PLEKHM2: variants seen among roughly 807,000 people sequenced by gnomAD.
The protein encoded by PLEKHM2 is pleckstrin homology domain-containing family M member 2.
PLEKHM2 carries 77 observed loss-of-function variants against 116.3 expected under a neutral mutation model. That is an observed-to-expected ratio of 0.66 (90% confidence interval 0.55 to 0.80). PLEKHM2 has a LOEUF of 0.80. Ranked by LOEUF, PLEKHM2 falls within the 30% of genes least tolerant of loss-of-function variation. PLEKHM2 has a pLI of 0.00. For missense variants in PLEKHM2, 1,183 were observed against 1,354.9 expected (o/e 0.87, Z 1.99); for synonymous variants, 562 against 571.0 (o/e 0.98, Z 0.22).
rs1253471913 is a variant in PLEKHM2, at chr1:15,734,278, C to T, written c.*344C>T. The stretch of plus-strand genomic sequence containing the variant: ...ACCGAGAACACCATCCATCTAAGGA[C>T]GAACAAAAGAACCAGGAGGGCGGGA... On this transcript the variant is annotated 3_prime_UTR_variant, in exon 20 of 20. Coordinates refer to ENST00000375799, the MANE Select transcript of PLEKHM2 (RefSeq NM_015164.4). 7.8e-6 allele frequency: 2 copies of T among 255,058 alleles called. No homozygotes were observed. The highest frequency in any genetic ancestry group is 1.5e-5 in the Non-Finnish European group (2 of 134,066). 15.8% of individuals were successfully genotyped at this position (255,058 alleles called of 1,614,324 possible).
intron 1 of PLEKHM2, among the ~76,000 whole-genome samples, chr1:15,689,263 A>G (rs1640840295): frequency 6.8e-6 from 1 of 146,238 alleles, no homozygotes; most frequent in Non-Finnish European, 1.5e-5. Context: ...AAAAAAAAAG[A>G]AAGAAAGAAA....
At chr1:15,732,165 G>T in intron 17 of PLEKHM2, 117 bp downstream of exon 17, 1 of 1,074,434 alleles carries the variant, frequency 9.3e-7, no homozygotes, top group Middle Eastern at 2.1e-4. Context: ...GGACCTCCAG[G>T]GGGCAGCCCA....
At chr1:15,691,252 T>A (rs530694974) in intron 1 of PLEKHM2, among the ~76,000 whole-genome samples, 2 of 152,140 alleles carry the variant, frequency 1.3e-5, no homozygotes, top group Non-Finnish European at 2.9e-5. Flanking sequence ...AATTTTTTAG[T>A]GTGGAGACAA....
chr1:15,730,479 C>G, intron 14 of PLEKHM2, 53 bp from the exon 15 acceptor site: 4 of 1,412,872 alleles, frequency 2.8e-6, no homozygotes, highest in Non-Finnish European at 3.8e-6. Flanking sequence ...GCTCAGCCAC[C>G]TGCCTGGCCC....
intron 1 of PLEKHM2, among the ~76,000 whole-genome samples, chr1:15,702,247 C>T (rs1024128751): frequency 6.6e-6 from 1 of 152,170 alleles, no homozygotes; most frequent in African/African-American, 2.4e-5. Flanking sequence ...CCTACAGCAT[C>T]GCCATGTGAG....
At chr1:15,724,793 C>T (rs954451283) in intron 7 of PLEKHM2, among the ~76,000 whole-genome samples, 1 of 152,216 alleles carries the variant, frequency 6.6e-6, no homozygotes, top group African/African-American at 2.4e-5. Context: ...CCATTCTTCT[C>T]CCTTTGTGTT....
rs762892436 is a variant in PLEKHM2 at position 15,721,766 on chromosome 1, A to G, written c.712+378A>G. 6.6e-6 allele frequency among the ~76,000 whole-genome samples: 1 copy of G among 152,140 alleles called. No homozygotes were observed. Among genetic ancestry groups the G allele is most frequent in the Non-Finnish European group, 1.5e-5 (1 of 68,022 alleles). On this transcript the variant is annotated intron_variant, in intron 7 of 19. Transcript: ENST00000375799. This position sits in a 1 kb window ranked among gnomAD's most constrained non-coding sequence, Gnocchi z 5.1. ...CATGCCTTTAAACATGCGGGTTGTAAGCTCCTGCGGGTCAGATGAGCATCG... is the reference window on the plus strand; with the variant it reads ...CATGCCTTTAAACATGCGGGTTGTAGGCTCCTGCGGGTCAGATGAGCATCG...
rs1033198937 is a variant in PLEKHM2 at position 15,734,021 on chromosome 1, G to A, written c.*87G>A. ...CTGTCACGGCTGTTGTCATGCTGTC[G>A]GGAGCCTACAGTCCACCCCTGCCCT... On this transcript the variant is annotated 3_prime_UTR_variant, in exon 20 of 20. Coordinates refer to ENST00000375799, the MANE Select transcript of PLEKHM2 (RefSeq NM_015164.4). 5.5e-6 allele frequency: 8 copies of A among 1,445,256 alleles called. No homozygotes were observed. Among genetic ancestry groups the A allele is most frequent in the African/African-American group, 2.8e-5 (2 of 71,080 alleles). The allele number at this position is 1,445,256 out of a possible 1,614,324, so 89.5% of individuals were successfully genotyped here. A position where few individuals can be genotyped will look rare whatever the true frequency, so the allele number is the denominator to read the frequency against.
At chr1:15,696,160 G>T (rs1373896987) in intron 1 of PLEKHM2, among the ~76,000 whole-genome samples, 1 of 151,938 alleles carries the variant, frequency 6.6e-6, no homozygotes, top group Non-Finnish European at 1.5e-5. Flanking sequence ...GAAGTAAACT[G>T]CCAGAGGTTA....
At position 15,727,209 on chromosome 1, in the gene PLEKHM2, G is replaced by C; in HGVS notation, c.1137G>C (p.Pro379=). 6.2e-7 allele frequency: 1 copy of C among 1,606,872 alleles called. No homozygotes were observed. Residue 379 remains proline (P), a synonymous_variant, in exon 9 of 20, where the codon CCG becomes CCC. Transcript: ENST00000375799. This position sits in a 1 kb window ranked among gnomAD's most constrained non-coding sequence, Gnocchi z 7.5. ...LASPQEEGEG[P]SSTTESSERS... ...CCCCCCAGGAGGAGGGAGAGGGGCC[G>C]AGCAGCACCACGGAGAGCAGCGAGC...
chr1:15,728,558 T>C lies in PLEKHM2; in HGVS notation c.1922-111T>C, dbSNP rs139843318. On this transcript the variant is annotated intron_variant, in intron 11 of 19. Transcript: ENST00000375799. The surrounding 1 kb of genome is among the most constrained non-coding windows in gnomAD (Gnocchi z 5.9). Reference sequence around the variant, plus strand: ...TGAGCACTCCACGCCATTCTCCTACTGCAGGGCAAGGAGAGGCCCTCTAAG... The same window carrying C: ...TGAGCACTCCACGCCATTCTCCTACCGCAGGGCAAGGAGAGGCCCTCTAAG... 2,638 of 1,081,452 alleles carry C rather than the reference T, an allele frequency of 2.4e-3. 59 individuals are homozygous for C. In the African/African-American group the frequency reaches 0.037, roughly 15 times the overall value. 67.0% of individuals were successfully genotyped at this position (1,081,452 alleles called of 1,614,324 possible).
rs753053627 is a variant in PLEKHM2 at position 15,719,930 on chromosome 1, C to A, written c.652+10C>A. ...GCCCCATCTAGTGAGGGTGAGTGGC[C>A]CCAGGGCAGAAAAGCTAAGCCCCTG... On this transcript the variant is annotated intron_variant, in intron 6 of 19. Transcript: ENST00000375799. This position sits in a 1 kb window ranked among gnomAD's most constrained non-coding sequence, Gnocchi z 4.1. The A allele has an allele frequency of 1.9e-5, 30 of 1,606,420 alleles. No individual in the cohort carries two copies. The highest frequency in any genetic ancestry group is 2.5e-5 in the Non-Finnish European group (29 of 1,175,184).
chr1:15,715,389 C>T (rs968333768), intron 1 of PLEKHM2, among the ~76,000 whole-genome samples: 4 of 152,102 alleles, frequency 2.6e-5, no homozygotes, highest in South Asian at 2.1e-4. Context: ...CGCCTGTAAT[C>T]GCAGCACTTT....
chr1:15,687,426 G>C lies in PLEKHM2; in HGVS notation c.60+2808G>C, dbSNP rs112546874. Among the ~76,000 whole-genome samples, 586 of 152,172 alleles carry C rather than the reference G, an allele frequency of 3.9e-3. 10 individuals are homozygous for C. Among genetic ancestry groups the C allele is most frequent in the African/African-American group, 0.013 (554 of 41,522 alleles). ...CCTGACCTCATGATCCGCTCACCTC[G>C]GCCTCCCAAAGTGCTGGGATTACAG... is the stretch of plus-strand genomic sequence containing the variant. On this transcript the variant is annotated intron_variant, in intron 1 of 19. Coordinates refer to ENST00000375799, the MANE Select transcript of PLEKHM2 (RefSeq NM_015164.4).
chr1:15,701,044 C>T (rs1278512334), intron 1 of PLEKHM2, among the ~76,000 whole-genome samples: 2 of 136,770 alleles, frequency 1.5e-5, no homozygotes, highest in Admixed American at 7.9e-5. Context: ...ACCCAGGAGG[C>T]GGAGGTTGCA....
At chr1:15,688,077 C>T (rs1640808763) in intron 1 of PLEKHM2, among the ~76,000 whole-genome samples, 1 of 152,310 alleles carries the variant, frequency 6.6e-6, no homozygotes, top group South Asian at 2.1e-4. Context: ...ATATCCAGCA[C>T]CCTGACCAAG....
chr1:15,725,588 C>T (rs1476199544), intron 8 of PLEKHM2, 43 bp downstream of exon 8: 2 of 1,358,598 alleles, frequency 1.5e-6, no homozygotes, highest in Non-Finnish European at 2.1e-6. Context: ...GTCCTGGGGT[C>T]CAACCTGTCC....
At position 15,733,976 on chromosome 1, in the gene PLEKHM2, C is replaced by T. The variant is rs1202235828; in HGVS notation, c.*42C>T. 4 of 1,585,454 alleles carry T rather than the reference C, an allele frequency of 2.5e-6. No individual in the cohort carries two copies. The Admixed American group carries it at 5.3e-5, about 21-fold the overall frequency. On this transcript the variant is annotated 3_prime_UTR_variant, in exon 20 of 20. Coordinates refer to ENST00000375799, the MANE Select transcript of PLEKHM2 (RefSeq NM_015164.4). ...GTCCCTGGTGGGCAGGAAAGGAAGGCACGCCAGCCGGCAGGCACACTGTCA... is the reference window on the plus strand; with the variant it reads ...GTCCCTGGTGGGCAGGAAAGGAAGGTACGCCAGCCGGCAGGCACACTGTCA...
Position 15,728,019 on chromosome 1 carries a change from G to T in PLEKHM2, c.1761-60G>T, listed in dbSNP as rs1034119769. 2.8e-5 allele frequency: 40 copies of T among 1,411,030 alleles called. No homozygotes were observed. Among genetic ancestry groups the T allele is most frequent in the Non-Finnish European group, 3.8e-5 (38 of 1,012,564 alleles). The allele number at this position is 1,411,030 out of a possible 1,614,324, so 87.4% of individuals were successfully genotyped here. On this transcript the variant is annotated intron_variant, in intron 9 of 19. Coordinates refer to ENST00000375799, the MANE Select transcript of PLEKHM2 (RefSeq NM_015164.4). The surrounding 1 kb of genome is among the most constrained non-coding windows in gnomAD (Gnocchi z 5.9). ...CACTACCCCCTGGCTCTGGGGTGGG[G>T]TGTGGCCTCTCTCACCGCTGCCTGC...
Sources: gnomAD v4.1 joint callset for allele counts (sites outside exome capture counted in the v4.1 genomes callset) on GRCh38, gnomAD v4.1.1 for gene constraint, Gnocchi (gnomAD v3.1) non-coding constraint, MANE v1.5 for transcripts, NCBI Gene and HGNC (gene_info 2026-07-23, HGNC 2026-07-21) for gene names.